Variants in NRXN1 observed in about 807,000 individuals in gnomAD.
The protein encoded by NRXN1 is neurexin-1.
Under a neutral mutation model 150.9 loss-of-function variants are expected in NRXN1, and 39 were observed. That is an observed-to-expected ratio of 0.26 (90% CI 0.20 to 0.34). NRXN1 has a LOEUF of 0.34. Among genes scored for constraint, NRXN1 ranks in the 10% least tolerant of loss-of-function variants. The probability of loss-of-function intolerance (pLI) is 1.00; values close to 1 mark genes in which losing one functional copy is unlikely to be tolerated. For missense variants in NRXN1, 1,815 were observed against 1,949.9 expected, an observed-to-expected ratio of 0.93 and a Z score of 1.30; for synonymous variants, 924 against 757.0, an observed-to-expected ratio of 1.22 and a Z score of -3.62.
intron 8 of NRXN1, among the ~76,000 whole-genome samples, chr2:50,580,579 G>C (rs900904440): frequency 2.6e-5 from 4 of 152,150 alleles, no homozygotes; most frequent in Admixed American, 2.0e-4. Flanking sequence ...AAAGATGCTG[G>C]AACAGAGAGC....
intron 18 of NRXN1, among the ~76,000 whole-genome samples, chr2:50,228,955 T>C (rs1199861645): frequency 5.9e-5 from 9 of 152,010 alleles, no homozygotes; most frequent in Non-Finnish European, 1.3e-4. Context: ...TAAGAATCCC[T>C]AGTTCTGGTC....
At chr2:50,028,273 G>C (rs1688676880) in intron 21 of NRXN1, among the ~76,000 whole-genome samples, 1 of 152,132 alleles carries the variant, frequency 6.6e-6, no homozygotes, top group Admixed American at 6.6e-5. Context: ...TAAATATAGA[G>C]AATTGGGTGC....
chr2:50,260,347 A>G (rs2068123793), intron 17 of NRXN1, among the ~76,000 whole-genome samples: 1 of 151,834 alleles, frequency 6.6e-6, no homozygotes, highest in Admixed American at 6.6e-5. Flanking sequence ...TAAATATGCA[A>G]CTCCATTGTG....
At chr2:50,655,560 A>G (rs2104593625) in intron 5 of NRXN1, among the ~76,000 whole-genome samples, 1 of 152,142 alleles carries the variant, frequency 6.6e-6, no homozygotes, top group Middle Eastern at 3.4e-3. Context: ...AAAAAGCCTC[A>G]GCGCTGTGGC....
intron 17 of NRXN1, among the ~76,000 whole-genome samples, chr2:50,366,575 C>T (rs185141092): frequency 6.6e-6 from 1 of 152,038 alleles, no homozygotes; most frequent in Admixed American, 6.6e-5. Context: ...CCAAAACATC[C>T]TTAGAGTGAG....
At chr2:51,011,209 A>G (rs749422392) in intron 2 of NRXN1, among the ~76,000 whole-genome samples, 49 of 152,006 alleles carry the variant, frequency 3.2e-4, no homozygotes, top group Non-Finnish European at 5.9e-4. Flanking sequence ...CTTTTAAGAA[A>G]TTGCCTACTT....
At chr2:50,794,080 A>G (rs1172220783) in intron 5 of NRXN1, among the ~76,000 whole-genome samples, 2 of 152,058 alleles carry the variant, frequency 1.3e-5, no homozygotes, top group African/African-American at 4.8e-5. Flanking sequence ...CACAGCAAAG[A>G]ATTAACTAGC....
Position 51,010,752 on chromosome 2 carries a change from G to A in NRXN1, c.772+16750C>T, listed in dbSNP as rs570930334. Among the ~76,000 whole-genome samples the A allele has an allele frequency of 1.1e-4, 16 of 150,924 alleles. No homozygotes were observed. In the South Asian group the frequency reaches 1.7e-3, roughly 16 times the overall value. On this transcript the variant is annotated intron_variant, in intron 2 of 22. Coordinates refer to ENST00000401669, the MANE Select transcript of NRXN1 (RefSeq NM_001330078.2). ...ACAAGAGCATAAGAGTGTCTACGTT[G>A]CCACACCTTTCGGCCAAAACTGGGT...
intron 19 of NRXN1, among the ~76,000 whole-genome samples, chr2:50,059,743 G>A (rs550991458): frequency 9.9e-5 from 15 of 152,282 alleles, no homozygotes; most frequent in African/African-American, 3.4e-4. Context: ...GGCTAAAAGG[G>A]GCAAATGTAC....
intron 17 of NRXN1, among the ~76,000 whole-genome samples, chr2:50,330,306 C>T (rs896051097): frequency 7.9e-5 from 12 of 152,124 alleles, no homozygotes; most frequent in Non-Finnish European, 1.3e-4. Flanking sequence ...TCCAAATCTT[C>T]TATAGCGATA....
intron 17 of NRXN1, among the ~76,000 whole-genome samples, chr2:50,386,226 C>A (rs2103745651): frequency 6.6e-6 from 1 of 152,158 alleles, no homozygotes. Context: ...AGCAAAATAT[C>A]ATTTTGCTAT....
At chr2:51,031,722 T>C (rs1364837372) in intron 1 of NRXN1, among the ~76,000 whole-genome samples, 1 of 152,070 alleles carries the variant, frequency 6.6e-6, no homozygotes, top group Non-Finnish European at 1.5e-5. Context: ...ATCTAGCCTG[T>C]CTCTTATTTT....
chr2:50,942,583 T>G (rs1380880009), intron 2 of NRXN1, among the ~76,000 whole-genome samples: 1 of 152,202 alleles, frequency 6.6e-6, no homozygotes, highest in Non-Finnish European at 1.5e-5. Context: ...GGAGATTATT[T>G]TGGAGCTTTA....
intron 8 of NRXN1, among the ~76,000 whole-genome samples, chr2:50,593,873 C>G (rs1024315181): frequency 3.3e-5 from 5 of 151,930 alleles, no homozygotes; most frequent in African/African-American, 1.2e-4. Flanking sequence ...CTTACAGTTG[C>G]ATGAGGATGA....
chr2:50,579,696 G>C (rs2103630382), intron 8 of NRXN1, among the ~76,000 whole-genome samples: 1 of 152,284 alleles, frequency 6.6e-6, no homozygotes, highest in African/African-American at 2.4e-5. Flanking sequence ...TGTAGAGGAA[G>C]TGAGTTGGGA....
At chr2:50,573,372 A>G (rs1670940612) in intron 8 of NRXN1, among the ~76,000 whole-genome samples, 1 of 152,060 alleles carries the variant, frequency 6.6e-6, no homozygotes, top group African/African-American at 2.4e-5. Flanking sequence ...TTAAAAAAAA[A>G]AAACGGAATC....
chr2:50,024,400 C>T (rs904053854), intron 21 of NRXN1, among the ~76,000 whole-genome samples: 7 of 152,056 alleles, frequency 4.6e-5, no homozygotes, highest in African/African-American at 1.7e-4. Flanking sequence ...AAAGGTTTCC[C>T]CTTGGTCTTA....
chr2:50,421,965 C>T (rs1376077659), intron 17 of NRXN1, among the ~76,000 whole-genome samples: 2 of 152,080 alleles, frequency 1.3e-5, no homozygotes, highest in Non-Finnish European at 2.9e-5. Context: ...GTACTTCTCC[C>T]ATCTGAGCCC....
intron 18 of NRXN1, among the ~76,000 whole-genome samples, chr2:50,173,438 A>G (rs1179447547): frequency 6.6e-6 from 1 of 152,202 alleles, no homozygotes; most frequent in Non-Finnish European, 1.5e-5. Flanking sequence ...ATGACATACA[A>G]GACTCCTAAC....
Sources: allele counts gnomAD v4.1 joint callset (sites outside exome capture counted in the v4.1 genomes callset), GRCh38; gene constraint gnomAD v4.1.1; transcripts MANE v1.5; gene names NCBI Gene and HGNC (gene_info 2026-07-23, HGNC 2026-07-21).